GAS7: variants seen among roughly 807,000 people sequenced by gnomAD.
GAS7 encodes the protein growth arrest specific 7.
A neutral mutation model predicts 71.1 loss-of-function variants in GAS7; 28 were observed. The ratio of observed to expected loss-of-function variants is 0.39; its 90% CI spans 0.29 to 0.54. The LOEUF (loss-of-function observed/expected upper bound fraction) is 0.54. Ranked by LOEUF, GAS7 falls within the 20% of genes least tolerant of loss-of-function variation. The pLI, the probability that GAS7 is intolerant of heterozygous loss-of-function variation, is 0.62. For missense variants in GAS7, 436 were observed against 627.8 expected, an observed-to-expected ratio of 0.69 and a Z score of 3.27; for synonymous variants, 258 against 245.8, an observed-to-expected ratio of 1.05 and a Z score of -0.46.
chr17:9,925,876 G>A (rs1023867635), intron 10 of GAS7, among the ~76,000 whole-genome samples: 11 of 152,100 alleles, frequency 7.2e-5, no homozygotes, highest in African/African-American at 2.7e-4. Context: ...CCTGTACAAA[G>A]ACTGGGGACC....
intron 1 of GAS7, among the ~76,000 whole-genome samples, chr17:10,184,948 G>A (rs376149451): frequency 1.4e-4 from 20 of 146,444 alleles, no homozygotes; most frequent in South Asian, 6.5e-4. Flanking sequence ...TTTTTGAGAC[G>A]GAGTGTTGCT....
chr17:9,944,874 CTG>C (rs980299576), intron 6 of GAS7, among the ~76,000 whole-genome samples: 2 of 152,194 alleles, frequency 1.3e-5, no homozygotes, highest in African/African-American at 4.8e-5. Flanking sequence ...GCTATGCACT[CTG>C]GGGAAAACCA....
intron 1 of GAS7, among the ~76,000 whole-genome samples, chr17:10,158,336 T>TAAA (rs58514810): frequency 4.4e-4 from 37 of 83,380 alleles, no homozygotes; most frequent in African/African-American, 7.6e-4. Flanking sequence ...CTTTTTTTGG[T>TAAA]AAAAAAAAAA....
chr17:9,979,038 C>T (rs978841094), intron 3 of GAS7, among the ~76,000 whole-genome samples: 3 of 152,216 alleles, frequency 2.0e-5, no homozygotes, highest in Non-Finnish European at 4.4e-5. Context: ...AAAATATCTC[C>T]AGACATTGCC....
At chr17:9,924,050 T>A (rs996252565) in intron 11 of GAS7, among the ~76,000 whole-genome samples, 1 of 152,224 alleles carries the variant, frequency 6.6e-6, no homozygotes, top group African/African-American at 2.4e-5. Flanking sequence ...TATGATCAAA[T>A]GTATATAAAT....
intron 1 of GAS7, among the ~76,000 whole-genome samples, chr17:10,048,319 AAAC>A (rs993449026): frequency 1.1e-4 from 17 of 152,350 alleles, no homozygotes; most frequent in African/African-American, 3.8e-4. Flanking sequence ...CTCCATCTCA[AAAC>A]AACAACAACA....
intron 1 of GAS7, among the ~76,000 whole-genome samples, chr17:10,083,529 T>C (rs1471733188): frequency 6.6e-6 from 1 of 152,220 alleles, no homozygotes; most frequent in Non-Finnish European, 1.5e-5. Flanking sequence ...CCCTGCCCAG[T>C]TGGCCTTCCC....
intron 8 of GAS7, among the ~76,000 whole-genome samples, chr17:9,939,539 C>T (rs903080074): frequency 2.0e-4 from 31 of 152,178 alleles, no homozygotes; most frequent in African/African-American, 7.5e-4. Flanking sequence ...GGGGTCAGAC[C>T]AGAGGGGATT....
chr17:10,011,529 T>C (rs1050050195), intron 2 of GAS7, among the ~76,000 whole-genome samples: 1 of 152,170 alleles, frequency 6.6e-6, no homozygotes, highest in African/African-American at 2.4e-5. Context: ...CATTTCACTG[T>C]CAAACACCAG....
Position 10,011,072 on chromosome 17 carries a change from T to C in GAS7, c.304+8705A>G, listed in dbSNP as rs190662404. Reference sequence around the variant, plus strand: ...TAGGATGATTATGAAGCAAAATCACTAGCCTCTGCAACCCACTTTTATGAA... The same window carrying C: ...TAGGATGATTATGAAGCAAAATCACCAGCCTCTGCAACCCACTTTTATGAA... On this transcript the variant is annotated intron_variant, in intron 2 of 13. Coordinates refer to ENST00000432992, the MANE Select transcript of GAS7 (RefSeq NM_201433.2). Among the ~76,000 whole-genome samples, 235 of 152,352 alleles carry C rather than the reference T, an allele frequency of 1.5e-3. 4 individuals are homozygous for C. Among genetic ancestry groups the C allele is most frequent in the Non-Finnish European group, 3.4e-4 (23 of 68,034 alleles).
At chr17:10,122,545 T>A (rs2073913376) in intron 1 of GAS7, among the ~76,000 whole-genome samples, 1 of 152,078 alleles carries the variant, frequency 6.6e-6, no homozygotes, top group Non-Finnish European at 1.5e-5. Context: ...TCCCTCACCC[T>A]CCCTGGCTGA....
chr17:9,938,918 C>T (rs1265185258), intron 8 of GAS7, among the ~76,000 whole-genome samples: 2 of 152,182 alleles, frequency 1.3e-5, no homozygotes, highest in East Asian at 3.9e-4. Flanking sequence ...AGAATGTTTT[C>T]GAGGCTCATC....
chr17:10,091,269 C>T (rs572943724), intron 1 of GAS7, among the ~76,000 whole-genome samples: 2 of 152,150 alleles, frequency 1.3e-5, no homozygotes, highest in African/African-American at 4.8e-5. Flanking sequence ...GCTTAATGAG[C>T]ATGAGGTCTC....
At chr17:10,151,456 A>T (rs1281054803) in intron 1 of GAS7, among the ~76,000 whole-genome samples, 1 of 152,060 alleles carries the variant, frequency 6.6e-6, no homozygotes, top group African/African-American at 2.4e-5. Context: ...GTGATATTTT[A>T]TCTTGTTATT....
intron 5 of GAS7, chr17:9,958,957 C>A (rs941988808): frequency 3.6e-6 from 5 of 1,398,066 alleles, no homozygotes; most frequent in Non-Finnish European, 4.6e-6. Flanking sequence ...ACGGCTTCTG[C>A]ATCATCCCAG....
rs201928874 is a variant in GAS7, at chr17:10,126,568, ACT to A, written c.183+71638_183+71639del. ...AGCGCACACACGCAGACATGCACAC[ACT>A]CTCGAAAACACACACATTCACACAC... On this transcript the variant is annotated intron_variant, in intron 1 of 13. Transcript: ENST00000432992. 8.4e-3 allele frequency among the ~76,000 whole-genome samples: 1,245 copies of A among 148,564 alleles called. 9 individuals are homozygous for A. The highest frequency in any genetic ancestry group is 0.023 in the African/African-American group (920 of 40,066).
intron 1 of GAS7, among the ~76,000 whole-genome samples, chr17:10,070,641 G>A (rs1278641261): frequency 6.6e-6 from 1 of 152,124 alleles, no homozygotes; most frequent in African/African-American, 2.4e-5. Context: ...TGGGATCACA[G>A]GCGTGAGCCA....
chr17:10,076,355 T>G (rs1597776690), intron 1 of GAS7, among the ~76,000 whole-genome samples: 2 of 48,570 alleles, frequency 4.1e-5, no homozygotes, highest in African/African-American at 9.0e-5. Flanking sequence ...GTGACAGAAA[T>G]GCAAGGGGGA....
chr17:10,014,956 C>T (rs1042513961), intron 2 of GAS7, among the ~76,000 whole-genome samples: 47 of 152,140 alleles, frequency 3.1e-4, no homozygotes, highest in African/African-American at 1.1e-3. Flanking sequence ...GAAATCAAGA[C>T]CATGCTGGCC....
Sources: allele counts gnomAD v4.1 joint callset (sites outside exome capture counted in the v4.1 genomes callset), GRCh38; gene constraint gnomAD v4.1.1; transcripts MANE v1.5; gene names NCBI Gene and HGNC (gene_info 2026-07-23, HGNC 2026-07-21).